STRA6: variants seen among roughly 807,000 people sequenced by gnomAD.
STRA6 encodes the protein signaling receptor and transporter of retinol STRA6.
A neutral mutation model predicts 83.6 loss-of-function variants in STRA6; 48 were observed. The ratio of observed to expected loss-of-function variants is 0.57; its 90% CI spans 0.46 to 0.73. The LOEUF is 0.73. Ranked by LOEUF, STRA6 falls within the 30% of genes least tolerant of loss-of-function variation. The pLI, the probability that STRA6 is intolerant of heterozygous loss-of-function variation, is 0.00. For synonymous variants in STRA6, 353 were observed against 362.3 expected (o/e 0.97, Z 0.29); for missense variants, 760 against 838.8 (o/e 0.91, Z 1.16).
rs375092434 is a variant in STRA6, at chr15:74,179,573, T to C, written c.*507A>G. The C allele has an allele frequency of 6.4e-6, 1 of 156,566 alleles. No homozygotes were observed. Among genetic ancestry groups the C allele is most frequent in the South Asian group, 2.0e-4 (1 of 5,098 alleles). 9.7% of individuals were successfully genotyped at this position (156,566 alleles called of 1,614,324 possible). A position where few individuals can be genotyped will look rare whatever the true frequency, so the allele number is the denominator to read the frequency against. On this transcript the variant is annotated 3_prime_UTR_variant, in exon 19 of 19. Coordinates refer to ENST00000395105, the MANE Select transcript of STRA6 (RefSeq NM_022369.4). ...GCTCTCGAGTGTGGGCAGCTCAGTG[T>C]GGGACCTGGTCTGAGTCATGACTTG...
In STRA6 at chr15:74,183,903, A is replaced by C. The variant is rs1334371116; in HGVS notation, c.1253T>G (p.Phe418Cys). Residue 418 changes from phenylalanine (F) to cysteine (C), a missense_variant, in exon 14 of 19, where the codon TTC becomes TGC. Physicochemically the swap from Phe to Cys is radical, Grantham distance 205. Transcript: ENST00000395105. The stretch of plus-strand genomic sequence containing the variant: ...GTAGGCACTGAAGCTCATCCAACAG[A>C]ATATGGCTTGGCGGGAGGGATGGGG... ...RSPHPSRQAI[F>C]CWMSFSAYQT... 6.2e-7 allele frequency: 1 copy of C among 1,614,092 alleles called. No individual in the cohort carries two copies. The highest frequency in any genetic ancestry group is 8.5e-7 in the Non-Finnish European group (1 of 1,180,026).
upstream of STRA6, chr15:74,202,979 C>A: frequency 1.0e-6 from 1 of 986,682 alleles, no homozygotes; most frequent in Non-Finnish European, 1.2e-6. Flanking sequence ...ACCCCCACCC[C>A]CGCACCTGAC....
At chr15:74,203,076 A>ACCAGCATT, upstream of STRA6, 1 of 985,560 alleles carries the variant, frequency 1.0e-6, no homozygotes, top group Non-Finnish European at 1.2e-6. Flanking sequence ...CAGACAGGAG[A>ACCAGCATT]CCAGCATTAC....
upstream of STRA6, among the ~76,000 whole-genome samples, chr15:74,210,322 C>T (rs1271083082): frequency 6.6e-6 from 1 of 152,240 alleles, no homozygotes; most frequent in East Asian, 1.9e-4. Flanking sequence ...TAAGTTGACA[C>T]ACTGAAGTAC....
Position 74,189,372 on chromosome 15 carries a change from C to T in STRA6, c.928-95G>A. On this transcript the variant is annotated intron_variant, in intron 11 of 18. Transcript: ENST00000395105. ...GGAAGAAACTGGCAGCACACAGGCC[C>T]CAGCCACATGCCCATTGCCCATCAG... 6 of 1,507,536 alleles carry T rather than the reference C, an allele frequency of 4.0e-6. No individual in the cohort carries two copies. In the South Asian group the frequency reaches 7.2e-5, roughly 18 times the overall value. 93.4% of individuals were successfully genotyped at this position (1,507,536 alleles called of 1,614,324 possible). A position where few individuals can be genotyped will look rare whatever the true frequency, so the allele number is the denominator to read the frequency against.
At chr15:74,182,079 G>T in intron 16 of STRA6, 82 bp downstream of exon 16, 1 of 1,198,606 alleles carries the variant, frequency 8.3e-7, no homozygotes, top group Non-Finnish European at 1.2e-6. Flanking sequence ...ATAGATGGCA[G>T]TGGAGGGAGG....
intron 16 of STRA6, 77 bp downstream of exon 16, chr15:74,182,084 G>A (rs749444745): frequency 1.6e-6 from 2 of 1,241,550 alleles, no homozygotes; most frequent in Non-Finnish European, 2.4e-6. Context: ...TGGCAGTGGA[G>A]GGAGGACACA....
intron 18 of STRA6, 28 bp from the exon 19 acceptor site, chr15:74,180,271 A>G: frequency 6.2e-7 from 1 of 1,613,844 alleles, no homozygotes; most frequent in Non-Finnish European, 8.5e-7. Context: ...TCTGTGAGTC[A>G]CTCAGCAAAC....
rs757523708 is a variant in STRA6, at chr15:74,202,151, T to G, written c.113+4A>C. On this transcript the variant is annotated splice_donor_region_variant and intron_variant, in intron 2 of 18. Transcript: ENST00000395105. The stretch of plus-strand genomic sequence containing the variant: ...AGAGTGAGGTGGGGTGGTTCCACAC[T>G]TACCCCTCTGGCTGGAGCTCCTCGC... 6.7e-7 allele frequency: 1 copy of G among 1,499,678 alleles called. No individual in the cohort carries two copies. The highest frequency in any genetic ancestry group is 1.4e-5 in the African/African-American group (1 of 71,188). The allele number at this position is 1,499,678 out of a possible 1,614,324, so 92.9% of individuals were successfully genotyped here. A position where few individuals can be genotyped will look rare whatever the true frequency, so the allele number is the denominator to read the frequency against.
intron 1 of STRA6, chr15:74,207,989 A>T (rs1414370237): frequency 3.5e-6 from 5 of 1,415,590 alleles, no homozygotes; most frequent in Non-Finnish European, 3.7e-6. Flanking sequence ...GAGGGTCAGA[A>T]GCACCATCTG....
chr15:74,181,007 A>AAC (rs1024880733), intron 17 of STRA6, 70 bp from the exon 18 acceptor site: 4 of 1,594,780 alleles, frequency 2.5e-6, no homozygotes, highest in Non-Finnish European at 3.4e-6. Flanking sequence ...GACATCCCCT[A>AAC]ACACACACAC....
Position 74,181,415 on chromosome 15 carries a change from C to T in STRA6, c.1564G>A (p.Val522Met). 6.2e-7 allele frequency: 1 copy of T among 1,613,422 alleles called. No individual in the cohort carries two copies. Among genetic ancestry groups the T allele is most frequent in the South Asian group, 1.1e-5 (1 of 90,984 alleles). Residue 522 changes from valine to methionine, a missense_variant, in exon 17 of 19, where the codon GTG (valine) becomes ATG (methionine). Transcript: ENST00000395105. ...AATFLLFPLN[V>M]LVGAMVATWR... The stretch of plus-strand genomic sequence containing the variant: ...GTGGCCACCATGGCACCCACCAGCA[C>T]ATTGAGGGGGAAGAGAAGAAAGGTG...
At chr15:74,207,750 C>A (rs540907096), upstream of STRA6, 6 of 1,535,730 alleles carry the variant, frequency 3.9e-6, no homozygotes, top group East Asian at 4.9e-5. Flanking sequence ...AGAGAGTCAA[C>A]CTCATGCGGG....
rs2072988750 is a variant in STRA6, at chr15:74,181,517, A to G, written c.1521-59T>C. 2.5e-6 allele frequency: 4 copies of G among 1,594,494 alleles called. No individual in the cohort carries two copies. The South Asian group carries it at 4.5e-5, about 18-fold the overall frequency. On this transcript the variant is annotated intron_variant, in intron 16 of 18. Transcript: ENST00000395105. Reference sequence around the variant, plus strand: ...TCCCCAGAGCTCCCTCCCCAGGGTCAGTGTCAGACCTGGATGCCCAGAACT... The same window carrying G: ...TCCCCAGAGCTCCCTCCCCAGGGTCGGTGTCAGACCTGGATGCCCAGAACT...
At chr15:74,187,493 G>A (rs1322310749) in intron 12 of STRA6, among the ~76,000 whole-genome samples, 1 of 152,020 alleles carries the variant, frequency 6.6e-6, no homozygotes, top group Admixed American at 6.6e-5. Flanking sequence ...GCTTGTAAGT[G>A]ATGGAACAGA....
chr15:74,209,236 G>GT (rs1308750404), upstream of STRA6: 13 of 1,135,434 alleles, frequency 1.1e-5, no homozygotes, highest in Non-Finnish European at 1.6e-5. Flanking sequence ...CCCCCAAACC[G>GT]TTTGCTCGAA....
chr15:74,191,250 A>AG lies in STRA6; in HGVS notation c.789-8_789-7insC. On this transcript the variant is annotated splice_region_variant and splice_polypyrimidine_tract_variant and intron_variant, in intron 9 of 18. Coordinates refer to ENST00000395105, the MANE Select transcript of STRA6 (RefSeq NM_022369.4). ...ATGCTTGGAGGTGTGGTAGCTGCAG[A>AG]AAGACCCAGGCAGGTGCGGGGTCCT... The AG allele has an allele frequency of 6.2e-7, 1 of 1,613,552 alleles. No individual in the cohort carries two copies. Among genetic ancestry groups the AG allele is most frequent in the Non-Finnish European group, 8.5e-7 (1 of 1,179,954 alleles).
At chr15:74,194,310 C>A in intron 7 of STRA6, 1 of 1,148,168 alleles carries the variant, frequency 8.7e-7, no homozygotes. Context: ...TCAACCTGAG[C>A]ATCAGGAAAG....
upstream of STRA6, among the ~76,000 whole-genome samples, chr15:74,205,498 C>T (rs1424750068): frequency 2.0e-5 from 3 of 152,196 alleles, no homozygotes; most frequent in African/African-American, 7.2e-5. Context: ...AGAACTCACT[C>T]ATTACCACAG....
Sources: allele counts gnomAD v4.1 joint callset (sites outside exome capture counted in the v4.1 genomes callset), GRCh38; gene constraint gnomAD v4.1.1; transcripts MANE v1.5; gene names NCBI Gene and HGNC (gene_info 2026-07-23, HGNC 2026-07-21).